Variants in SPOCK1 observed in about 807,000 individuals in gnomAD.
SPOCK1 encodes the protein SPARC (osteonectin), cwcv and kazal like domains proteoglycan 1, also known as testican-1.
Under a neutral mutation model 55.3 loss-of-function variants are expected in SPOCK1, and 23 were observed. The ratio of observed to expected loss-of-function variants is 0.42; its 90% confidence interval spans 0.30 to 0.59. The LOEUF is 0.59. SPOCK1 is among the 20% of genes least tolerant of loss of function. The pLI is 0.22. For missense variants in SPOCK1, 499 were observed against 552.5 expected, an observed-to-expected ratio of 0.90 and a Z score of 0.97; for synonymous variants, 226 against 221.0, an observed-to-expected ratio of 1.02 and a Z score of -0.20.
intron 2 of SPOCK1, among the ~76,000 whole-genome samples, chr5:137,493,039 A>G (rs139071406): frequency 6.6e-6 from 1 of 152,362 alleles, no homozygotes; most frequent in Non-Finnish European, 1.5e-5. Context: ...CCTTAAGTGA[A>G]TTACATAATC....
chr5:137,497,199 C>T (rs1001426796), intron 2 of SPOCK1, among the ~76,000 whole-genome samples: 1 of 152,188 alleles, frequency 6.6e-6, no homozygotes, highest in African/African-American at 2.4e-5. Flanking sequence ...ATACATATCC[C>T]ACCTCAAAGA....
At chr5:137,077,310 AGG>A (rs1020542847) in intron 5 of SPOCK1, among the ~76,000 whole-genome samples, 28 of 152,318 alleles carry the variant, frequency 1.8e-4, no homozygotes, top group African/African-American at 6.7e-4. Context: ...TACAACAGTG[AGG>A]GGTTTGGCAA....
At chr5:137,188,087 C>T (rs1022691024) in intron 3 of SPOCK1, among the ~76,000 whole-genome samples, 1 of 152,146 alleles carries the variant, frequency 6.6e-6, no homozygotes, top group Admixed American at 6.5e-5. Context: ...AGCATCAGCC[C>T]AGGCAAGTCC....
At chr5:137,216,526 T>A (rs1346225583) in intron 3 of SPOCK1, among the ~76,000 whole-genome samples, 1 of 151,988 alleles carries the variant, frequency 6.6e-6, no homozygotes, top group Admixed American at 6.6e-5. Flanking sequence ...GCCTGGCCAA[T>A]GTTGTAAAAC....
chr5:137,209,331 C>A (rs1412280452), intron 3 of SPOCK1, among the ~76,000 whole-genome samples: 1 of 152,146 alleles, frequency 6.6e-6, no homozygotes, highest in Non-Finnish European at 1.5e-5. Context: ...CCCTAAATAA[C>A]CAGGCCATGT....
intron 6 of SPOCK1, among the ~76,000 whole-genome samples, chr5:137,032,776 G>A (rs1191601605): frequency 1.3e-5 from 2 of 152,120 alleles, no homozygotes; most frequent in East Asian, 1.9e-4. Flanking sequence ...GGAGGCAGTC[G>A]GTATGTTCTT....
intron 2 of SPOCK1, among the ~76,000 whole-genome samples, chr5:137,420,718 T>C (rs1034929374): frequency 3.9e-4 from 59 of 152,312 alleles, no homozygotes; most frequent in Admixed American, 9.8e-4. Context: ...TAGTGGTCTA[T>C]CAATTTCGTT....
intron 3 of SPOCK1, among the ~76,000 whole-genome samples, chr5:137,168,954 T>C (rs575010904): frequency 1.3e-5 from 2 of 152,250 alleles, no homozygotes; most frequent in Non-Finnish European, 2.9e-5. Context: ...CCTAAGTGTC[T>C]ATCGACAGAT....
chr5:137,355,363 A>AT (rs1750769727), intron 2 of SPOCK1, among the ~76,000 whole-genome samples: 1 of 151,834 alleles, frequency 6.6e-6, no homozygotes, highest in South Asian at 2.1e-4. Flanking sequence ...CAGCTAATTT[A>AT]TTTTTTGTAG....
intron 3 of SPOCK1, among the ~76,000 whole-genome samples, chr5:137,256,099 T>C (rs1378575337): frequency 6.6e-6 from 1 of 152,176 alleles, no homozygotes; most frequent in Non-Finnish European, 1.5e-5. Context: ...GTTCCACTTT[T>C]GTTCTTTGGG....
rs138441588 is a variant in SPOCK1, at chr5:137,492,317, C to A, written c.186+6056G>T. 7.2e-4 allele frequency among the ~76,000 whole-genome samples: 110 copies of A among 152,320 alleles called. 1 individual carries two copies. Among genetic ancestry groups the A allele is most frequent in the East Asian group, 2.5e-3 (13 of 5,184 alleles). On this transcript the variant is annotated intron_variant, in intron 2 of 10. Transcript: ENST00000394945. ...CTCAGTTCTGGGACTTCTGTTGGCA[C>A]TATCGAGAACATGAAAACTATGATG...
chr5:136,996,168 T>A (rs192332868), intron 6 of SPOCK1, among the ~76,000 whole-genome samples: 10 of 152,240 alleles, frequency 6.6e-5, no homozygotes, highest in Admixed American at 5.9e-4. Flanking sequence ...GACTGAAGCT[T>A]TCAGAAGTGG....
intron 3 of SPOCK1, among the ~76,000 whole-genome samples, chr5:137,242,200 G>A (rs775244439): frequency 4.7e-4 from 71 of 152,258 alleles, no homozygotes; most frequent in Non-Finnish European, 8.5e-4. Context: ...AAACCCCATT[G>A]ATATGGTTTG....
chr5:137,194,481 G>C (rs1164002954), intron 3 of SPOCK1, among the ~76,000 whole-genome samples: 1 of 152,104 alleles, frequency 6.6e-6, no homozygotes, highest in Non-Finnish European at 1.5e-5. Flanking sequence ...CGGGTGGAAA[G>C]TGCCAAGAGC....
At position 137,140,634 on chromosome 5, in the gene SPOCK1, A is replaced by G. The variant is rs1292916705; in HGVS notation, c.293T>C (p.Val98Ala). The G allele has an allele frequency of 1.9e-6, 3 of 1,613,934 alleles. No individual in the cohort carries two copies. The highest frequency in any genetic ancestry group is 2.5e-6 in the Non-Finnish European group (3 of 1,179,970). The change falls in exon 4 of 11, where the codon GTG (valine) becomes GCG (alanine). Residue 98 changes from valine (V) to alanine (A), a missense_variant. Around this residue, in one of 3 missense-constraint regions of SPOCK1, gnomAD observed 386 missense variants for 400.6 expected, o/e 0.96. Coordinates refer to ENST00000394945, the MANE Select transcript of SPOCK1 (RefSeq NM_004598.4). ...KVKCSPHKVC[V>A]TQDYQTALCV... ...CAGGGCGGTCTGGTAGTCCTGGGTCACACACACTTTGTGAGGGCTGCATTT... is the reference window on the plus strand; with the variant it reads ...CAGGGCGGTCTGGTAGTCCTGGGTCGCACACACTTTGTGAGGGCTGCATTT...
chr5:137,411,133 T>G (rs1282857721), intron 2 of SPOCK1, among the ~76,000 whole-genome samples: 1 of 152,114 alleles, frequency 6.6e-6, no homozygotes, highest in Non-Finnish European at 1.5e-5. Flanking sequence ...AAAGGACAGG[T>G]GCAGTCCCTG....
chr5:137,306,715 T>TC (rs1394846894), intron 2 of SPOCK1, among the ~76,000 whole-genome samples: 1 of 151,738 alleles, frequency 6.6e-6, no homozygotes, highest in Non-Finnish European at 1.5e-5. Context: ...TTTTCTTTTT[T>TC]TTTTCAGACC....
At chr5:137,348,268 T>C (rs992712644) in intron 2 of SPOCK1, among the ~76,000 whole-genome samples, 7 of 152,172 alleles carry the variant, frequency 4.6e-5, no homozygotes, top group Non-Finnish European at 8.8e-5. Flanking sequence ...CAGGGGATAA[T>C]AACAATGACA....
In SPOCK1 at chr5:137,121,339, C is replaced by A. The variant is rs193107407; in HGVS notation, c.348-8778G>T. On this transcript the variant is annotated intron_variant, in intron 4 of 10. Coordinates refer to ENST00000394945, the MANE Select transcript of SPOCK1 (RefSeq NM_004598.4). Reference sequence around the variant, plus strand: ...ATCCACAGACTGATAACTTTTCCAACAAAATATTTATGTGGCAAGACATTT... The same window carrying A: ...ATCCACAGACTGATAACTTTTCCAAAAAAATATTTATGTGGCAAGACATTT... Among the ~76,000 whole-genome samples, 417 of 152,078 alleles carry A rather than the reference C, an allele frequency of 2.7e-3. 3 individuals are homozygous for A. The highest frequency in any genetic ancestry group is 9.4e-3 in the African/African-American group (390 of 41,506).
Sources: gnomAD v4.1 joint callset for allele counts (sites outside exome capture counted in the v4.1 genomes callset) on GRCh38, gnomAD v4.1.1 for gene constraint, gnomAD v4.1.1 regional missense constraint, MANE v1.5 for transcripts, NCBI Gene and HGNC (gene_info 2026-07-23, HGNC 2026-07-21) for gene names.